The following PARD3B variants were observed in gnomAD, a reference collection of about 807,000 sequenced individuals.
The protein encoded by PARD3B is partitioning defective 3 homolog B.
Under a neutral mutation model 130.2 loss-of-function variants are expected in PARD3B, and 103 were observed. That is an observed-to-expected ratio of 0.79 (90% CI 0.67 to 0.93). PARD3B has a LOEUF of 0.93. Among genes scored for constraint, PARD3B ranks in the 40% least tolerant of loss-of-function variants. The probability of loss-of-function intolerance (pLI) is 0.00; values close to 1 mark genes in which losing one functional copy is unlikely to be tolerated. For synonymous variants in PARD3B, 583 were observed against 553.2 expected (o/e 1.05, Z -0.76); for missense variants, 1,609 against 1,499.2 (o/e 1.07, Z -1.21).
At chr2:204,596,757 C>T (rs555508946) in intron 1 of PARD3B, among the ~76,000 whole-genome samples, 7 of 152,132 alleles carry the variant, frequency 4.6e-5, no homozygotes, top group East Asian at 3.9e-4. Context: ...GGAGAAACCC[C>T]GTCTCTACTA....
intron 1 of PARD3B, among the ~76,000 whole-genome samples, chr2:204,615,550 A>T (rs781135131): frequency 1.1e-4 from 17 of 152,172 alleles, no homozygotes; most frequent in Non-Finnish European, 2.1e-4. Flanking sequence ...TGTCAAGCTC[A>T]GTGTGGTGTA....
At chr2:204,691,635 T>A (rs1336213658) in intron 2 of PARD3B, among the ~76,000 whole-genome samples, 1 of 152,110 alleles carries the variant, frequency 6.6e-6, no homozygotes, top group African/African-American at 2.4e-5. Flanking sequence ...ATATAAAATT[T>A]TAAGTATAGT....
At chr2:205,415,595 G>A (rs1224171804) in intron 19 of PARD3B, among the ~76,000 whole-genome samples, 1 of 152,084 alleles carries the variant, frequency 6.6e-6, no homozygotes, top group African/African-American at 2.4e-5. Flanking sequence ...AAAATATTCA[G>A]AGGAATAAGC....
intron 3 of PARD3B, among the ~76,000 whole-genome samples, chr2:204,985,598 A>G (rs1693062996): frequency 6.6e-6 from 1 of 152,130 alleles, no homozygotes; most frequent in African/African-American, 2.4e-5. Context: ...CTGAAACCGA[A>G]CTGAGCATCT....
chr2:205,100,722 G>A (rs1291464735), intron 4 of PARD3B, among the ~76,000 whole-genome samples: 3 of 152,052 alleles, frequency 2.0e-5, no homozygotes, highest in East Asian at 1.9e-4. Flanking sequence ...TAAGGGTGTC[G>A]AGACAATTCA....
At chr2:205,191,045 A>T (rs2036366317) in intron 14 of PARD3B, among the ~76,000 whole-genome samples, 1 of 148,536 alleles carries the variant, frequency 6.7e-6, no homozygotes, top group African/African-American at 2.5e-5. Flanking sequence ...TCGTGTATTG[A>T]GAATGTACCC....
At position 205,089,816 on chromosome 2, in the gene PARD3B, G is replaced by C. The variant is rs556637862; in HGVS notation, c.505-14610G>C. Among the ~76,000 whole-genome samples, 12 of 152,222 alleles carry C rather than the reference G, an allele frequency of 7.9e-5. No individual in the cohort carries two copies. The South Asian group carries it at 2.5e-3, about 32-fold the overall frequency. On this transcript the variant is annotated intron_variant, in intron 4 of 22. Coordinates refer to ENST00000406610, the MANE Select transcript of PARD3B (RefSeq NM_001302769.2). ...GTCTTTAAGAAAGAATGAAAACCAGGTTTTTTTCTTTATTGTCATATCTGT... is the reference window on the plus strand; with the variant it reads ...GTCTTTAAGAAAGAATGAAAACCAGCTTTTTTTCTTTATTGTCATATCTGT...
rs76361920 is a variant in PARD3B at position 204,854,948 on chromosome 2, A to G, written c.223-110204A>G. Among the ~76,000 whole-genome samples the G allele has an allele frequency of 1.7e-3, 256 of 152,236 alleles. 1 individual carries two copies. The highest frequency in any genetic ancestry group is 6.1e-3 in the African/African-American group (252 of 41,566). ...TGTAGAGAAAGGGGTCTCCAAGCAA[A>G]AAGGACCAGTGGGCGGTGGATGCGC... On this transcript the variant is annotated intron_variant, in intron 2 of 22. Coordinates refer to ENST00000406610, the MANE Select transcript of PARD3B (RefSeq NM_001302769.2).
intron 22 of PARD3B, among the ~76,000 whole-genome samples, chr2:205,574,551 C>G (rs180996347): frequency 2.0e-5 from 3 of 152,156 alleles, no homozygotes; most frequent in African/African-American, 7.2e-5. Context: ...ATACCAACAG[C>G]GCTTGTTTGT....
At chr2:204,609,052 T>C (rs2033831546) in intron 1 of PARD3B, among the ~76,000 whole-genome samples, 1 of 152,232 alleles carries the variant, frequency 6.6e-6, no homozygotes, top group Non-Finnish European at 1.5e-5. Context: ...AGTTGTCACT[T>C]TATTCAGACT....
intron 4 of PARD3B, among the ~76,000 whole-genome samples, chr2:205,087,788 A>G (rs10187682): frequency 0.064 from 9,794 of 152,062 alleles, 349 homozygotes; most frequent in Middle Eastern, 0.19. Context: ...TATATCACCA[A>G]TAATATTCTT....
chr2:204,738,003 A>G (rs1312877969), intron 2 of PARD3B, among the ~76,000 whole-genome samples: 1 of 152,170 alleles, frequency 6.6e-6, no homozygotes, highest in African/African-American at 2.4e-5. Context: ...CAGTCATGTG[A>G]TACCTCCAGA....
intron 2 of PARD3B, among the ~76,000 whole-genome samples, chr2:204,721,818 C>G (rs1187765523): frequency 6.6e-6 from 1 of 152,030 alleles, no homozygotes; most frequent in East Asian, 1.9e-4. Flanking sequence ...TTGTAGAACT[C>G]TAATTTTGAA....
intron 2 of PARD3B, among the ~76,000 whole-genome samples, chr2:204,738,055 G>C (rs1361486997): frequency 2.0e-5 from 3 of 152,024 alleles, no homozygotes; most frequent in Non-Finnish European, 2.9e-5. Context: ...TGGCTATTCG[G>C]GCTCTTTTTT....
Position 204,844,025 on chromosome 2 carries a change from G to A in PARD3B, c.223-121127G>A, listed in dbSNP as rs141487723. On this transcript the variant is annotated intron_variant, in intron 2 of 22. Transcript: ENST00000406610. ...ATGAAAGCCGAAATTCCATCAGATG[G>A]ATTTAGCAAATTAACAGGAGAGAGA... is the stretch of plus-strand genomic sequence containing the variant. Among the ~76,000 whole-genome samples the A allele has an allele frequency of 4.6e-3, 706 of 152,220 alleles. 4 individuals carry two copies. Among genetic ancestry groups the A allele is most frequent in the Non-Finnish European group, 7.5e-3 (513 of 68,014 alleles).
intron 2 of PARD3B, among the ~76,000 whole-genome samples, chr2:204,797,452 C>T (rs903554394): frequency 4.6e-5 from 7 of 152,100 alleles, no homozygotes; most frequent in Admixed American, 4.6e-4. Flanking sequence ...TCATGAGGAG[C>T]TAAACATGTC....
rs1037705991 is a variant in PARD3B, at chr2:205,021,359, A to G, written c.395-26222A>G. 6.6e-6 allele frequency among the ~76,000 whole-genome samples: 1 copy of G among 152,178 alleles called. No individual in the cohort carries two copies. Among genetic ancestry groups the G allele is most frequent in the Non-Finnish European group, 1.5e-5 (1 of 68,036 alleles). ...TTTGGAATGATAAAGTTTATTGTAC[A>G]TGGTAAGGAAATTATGTATTGTAGA... is the stretch of plus-strand genomic sequence containing the variant. On this transcript the variant is annotated intron_variant, in intron 3 of 22. Coordinates refer to ENST00000406610, the MANE Select transcript of PARD3B (RefSeq NM_001302769.2). The surrounding 1 kb of genome is among the most constrained non-coding windows in gnomAD (Gnocchi z 4.5).
intron 1 of PARD3B, among the ~76,000 whole-genome samples, chr2:204,592,383 A>C (rs1360922973): frequency 6.6e-6 from 1 of 152,220 alleles, no homozygotes; most frequent in Non-Finnish European, 1.5e-5. Context: ...GGTACTTTTT[A>C]TGTATTGTTT....
At chr2:205,114,381 G>T (rs767637376) in intron 6 of PARD3B, among the ~76,000 whole-genome samples, 8 of 152,168 alleles carry the variant, frequency 5.3e-5, no homozygotes, top group South Asian at 2.1e-4. Context: ...ATTGACAAGG[G>T]TTGTCAGAAA....
Sources: gnomAD v4.1 joint callset for allele counts (sites outside exome capture counted in the v4.1 genomes callset) on GRCh38, gnomAD v4.1.1 for gene constraint, Gnocchi (gnomAD v3.1) non-coding constraint, MANE v1.5 for transcripts, NCBI Gene and HGNC (gene_info 2026-07-23, HGNC 2026-07-21) for gene names.